Variants in CA14 observed in about 807,000 individuals in gnomAD.
The protein encoded by CA14 is carbonic anhydrase 14.
Under a neutral mutation model 48.8 loss-of-function variants are expected in CA14, and 44 were observed. The ratio of observed to expected loss-of-function variants is 0.90; its 90% CI spans 0.71 to 1.16. The LOEUF is 1.16. Ranked by LOEUF, CA14 falls within the 50% of genes most tolerant of loss-of-function variation. CA14 has a pLI of 0.00. For synonymous variants in CA14, 154 were observed against 155.0 expected (o/e 0.99, Z 0.05); for missense variants, 386 against 401.0 (o/e 0.96, Z 0.32).
rs880002225 is a variant in CA14 at position 150,263,029 on chromosome 1, C to T, written c.563-13C>T. 11 of 1,613,628 alleles carry T rather than the reference C, an allele frequency of 6.8e-6. No individual in the cohort carries two copies. The highest frequency in any genetic ancestry group is 9.3e-6 in the Non-Finnish European group (11 of 1,179,794). On this transcript the variant is annotated splice_polypyrimidine_tract_variant and intron_variant, in intron 6 of 10. Transcript: ENST00000369111. ...CACTGAAAGGAAGATGAGTCCCAGT[C>T]TGTTCTCCCCAGATCAGAAGACCTC... is the stretch of plus-strand genomic sequence containing the variant.
chr1:150,264,615 AAG>A lies in CA14; in HGVS notation c.973_974del (p.Ser325CysfsTer11). 6.2e-7 allele frequency: 1 copy of A among 1,612,322 alleles called. No homozygotes were observed. The highest frequency in any genetic ancestry group is 8.5e-7 in the Non-Finnish European group (1 of 1,178,542). On this transcript the variant is annotated frameshift_variant, in exon 11 of 11. Transcript: ENST00000369111. LOFTEE classifies it high-confidence loss of function. ...CAGGAAGAAGAGGCTGGAAAACCGA[AAG>A]AGTGTGGTCTTCACCTCAGCACAAG... ...KIRKKRLENR[K>X]SVVFTSAQAT...
chr1:150,260,835 C>A (rs1650969370), intron 2 of CA14: 1 of 146,002 alleles, frequency 6.8e-6, no homozygotes, highest in East Asian at 2.2e-4. Context: ...TCTGGGCTCA[C>A]TGCAAACTCC....
At chr1:150,262,429 C>A in intron 4 of CA14, 96 bp from the exon 5 acceptor site, 2 of 1,476,450 alleles carry the variant, frequency 1.4e-6, no homozygotes, top group Non-Finnish European at 1.9e-6. Context: ...AGACTTAGTG[C>A]CTGCCGGGGA....
chr1:150,264,912 G>A lies in CA14; in HGVS notation c.*253G>A. The A allele has an allele frequency of 3.0e-6, 1 of 332,700 alleles. No individual in the cohort carries two copies. The highest frequency in any genetic ancestry group is 5.5e-6 in the Non-Finnish European group (1 of 180,378). 20.6% of individuals were successfully genotyped at this position (332,700 alleles called of 1,614,324 possible). A position where few individuals can be genotyped will look rare whatever the true frequency, so the allele number is the denominator to read the frequency against. On this transcript the variant is annotated 3_prime_UTR_variant, in exon 11 of 11. Coordinates refer to ENST00000369111, the MANE Select transcript of CA14 (RefSeq NM_012113.3). The stretch of plus-strand genomic sequence containing the variant: ...GTTGTTAATGCAGAGAACAAACTCT[G>A]TTTAGTTGCAGGGGAAGTTTGGGAT...
At chr1:150,261,746 G>T in intron 3 of CA14, 108 bp downstream of exon 3, 2 of 983,718 alleles carry the variant, frequency 2.0e-6, no homozygotes, top group Non-Finnish European at 3.0e-6. Flanking sequence ...GCATGCGTAA[G>T]ATGTGCCGCC....
Position 150,258,027 on chromosome 1 carries a change from G to A in CA14, c.-102G>A, listed in dbSNP as rs587632806. 8.9e-6 allele frequency: 6 copies of A among 673,098 alleles called. No individual in the cohort carries two copies. Among genetic ancestry groups the A allele is most frequent in the Non-Finnish European group, 1.4e-5 (6 of 429,214 alleles). The allele number at this position is 673,098 out of a possible 1,614,324, so 41.7% of individuals were successfully genotyped here. ...ATACACTCACGCCAGGAGCTCGCTC[G>A]CTCTCTCTCTCTCTCTCTCACTCCT... On this transcript the variant is annotated 5_prime_UTR_variant, in exon 1 of 11. Transcript: ENST00000369111.
Position 150,263,659 on chromosome 1 carries a change from C to T in CA14, c.842C>T (p.Ala281Val). Reference sequence around the variant, plus strand: ...ACTGACCCATTTTCTTCTCTTACAGCAGGATCCTCGTATACCACAGGTAAG... The same window carrying T: ...ACTGACCCATTTTCTTCTCTTACAGTAGGATCCTCGTATACCACAGGTAAG... The part of the protein sequence containing the change: ...QRMVFASFIQ[A>V]GSSYTTGEML... Residue 281 changes from alanine to valine, a missense_variant and splice_region_variant, in exon 9 of 11, where the codon GCA becomes GTA. Transcript: ENST00000369111. 4 of 1,613,950 alleles carry T rather than the reference C, an allele frequency of 2.5e-6. No homozygotes were observed. The highest frequency in any genetic ancestry group is 3.4e-6 in the Non-Finnish European group (4 of 1,179,910).
chr1:150,263,513 G>T, intron 8 of CA14, 94 bp downstream of exon 8: 2 of 1,606,232 alleles, frequency 1.2e-6, no homozygotes, highest in Non-Finnish European at 1.7e-6. Flanking sequence ...AAAAGGGGAG[G>T]GGGTTTCTGG....
rs1553847113 is a variant in CA14, at chr1:150,258,172, CT to C, written c.45del (p.Ala16GlnfsTer40). The C allele has an allele frequency of 6.2e-7, 1 of 1,611,108 alleles. No homozygotes were observed. On this transcript the variant is annotated frameshift_variant, in exon 1 of 11. Transcript: ENST00000369111. LOFTEE classifies it high-confidence loss of function. ...CTGCTGGAGGTGATTTGGATCCTGG[CT>C]GCAGATGGGGGTAGGTACAACTAAA... ...ALLLEVIWILAADGGQHWTYE... is the reference protein window; with the variant it reads ...ALLLEVIWILXADGGQHWTYE...
At chr1:150,261,686 G>C (rs782517057) in intron 3 of CA14, 48 bp downstream of exon 3, 15 of 1,558,800 alleles carry the variant, frequency 9.6e-6, no homozygotes, top group Admixed American at 1.8e-5. Context: ...TCAGATCTTA[G>C]GAGTCAGATC....
At chr1:150,262,045 T>C (rs1651080568) in intron 3 of CA14, 113 bp from the exon 4 acceptor site, 3 of 1,226,688 alleles carry the variant, frequency 2.4e-6, no homozygotes, top group Admixed American at 1.8e-5. Flanking sequence ...AACTGGGTGC[T>C]ACTGGGGGAG....
At chr1:150,264,534 C>A in intron 10 of CA14, 59 bp from the exon 11 acceptor site, 1 of 963,082 alleles carries the variant, frequency 1.0e-6, no homozygotes, top group South Asian at 1.3e-5. Flanking sequence ...TCTCCTATTT[C>A]ACCTCTAATC....
In CA14 at chr1:150,263,200, G is replaced by A. The variant is rs1553848365; in HGVS notation, c.720+1G>A. On this transcript the variant is annotated splice_donor_variant, in intron 7 of 10. Coordinates refer to ENST00000369111, the MANE Select transcript of CA14 (RefSeq NM_012113.3). LOFTEE classifies it high-confidence loss of function. ...AAGGTCCCAGATTTCAATGGAACAG[G>A]TAAGTGGTGGAGAAACGAGGTGAGG... The A allele has an allele frequency of 6.2e-7, 1 of 1,614,136 alleles. No individual in the cohort carries two copies. The highest frequency in any genetic ancestry group is 8.5e-7 in the Non-Finnish European group (1 of 1,180,016).
chr1:150,258,050 C>A lies in CA14; in HGVS notation c.-79C>A, dbSNP rs1650691263. The stretch of plus-strand genomic sequence containing the variant: ...TCGCTCTCTCTCTCTCTCTCTCACT[C>A]CTCCCTCCCTCTCTCTCTGCCTGTC... On this transcript the variant is annotated 5_prime_UTR_variant, in exon 1 of 11. Transcript: ENST00000369111. The A allele has an allele frequency of 9.4e-7, 1 of 1,064,578 alleles. No homozygotes were observed. Among genetic ancestry groups the A allele is most frequent in the Non-Finnish European group, 1.4e-6 (1 of 727,718 alleles). The allele number at this position is 1,064,578 out of a possible 1,614,324, so 65.9% of individuals were successfully genotyped here. A position where few individuals can be genotyped will look rare whatever the true frequency, so the allele number is the denominator to read the frequency against.
Position 150,261,470 on chromosome 1 carries a change from C to G in CA14, c.88C>G (p.Gln30Glu), listed in dbSNP as rs782749968. ...QHWTYEGPHGQDHWPASYPEC... is the reference protein window; with the variant it reads ...QHWTYEGPHGEDHWPASYPEC... ...GTAACCCCCACCAGGCCCACATGGT[C>G]AGGACCATTGGCCAGCCTCTTACCC... is the stretch of plus-strand genomic sequence containing the variant. The change falls in exon 3 of 11, where the codon CAG becomes GAG. Residue 30 changes from glutamine to glutamate, a missense_variant. Physicochemically the swap from Gln to Glu is conservative, Grantham distance 29. Coordinates refer to ENST00000369111, the MANE Select transcript of CA14 (RefSeq NM_012113.3). 1 of 1,613,932 alleles carries G rather than the reference C, an allele frequency of 6.2e-7. No homozygotes were observed. The highest frequency in any genetic ancestry group is 2.2e-5 in the East Asian group (1 of 44,884).
intron 2 of CA14, 41 bp downstream of exon 2, chr1:150,260,212 G>A: frequency 6.2e-7 from 1 of 1,605,328 alleles, no homozygotes; most frequent in Non-Finnish European, 8.5e-7. Context: ...CTTTCACACT[G>A]GGACCTCCTC....
chr1:150,263,130 A>T lies in CA14; in HGVS notation c.651A>T (p.Thr217=), dbSNP rs1176034714. The T allele has an allele frequency of 6.2e-7, 1 of 1,613,932 alleles. No homozygotes were observed. The highest frequency in any genetic ancestry group is 8.5e-7 in the Non-Finnish European group (1 of 1,179,994). The part of the protein sequence containing the change: ...GQYFRYNGSL[T]TPPCYQSVLW... ...ACTTCCGCTACAATGGCTCGCTCAC[A>T]ACTCCCCCTTGCTACCAGAGTGTGC... Residue 217 remains threonine, a synonymous_variant, in exon 7 of 11, where the codon ACA becomes ACT. Transcript: ENST00000369111.
chr1:150,261,544 T>C lies in CA14; in HGVS notation c.162T>C (p.Ser54=). The change falls in exon 3 of 11, where the codon AGT becomes AGC. Residue 54 remains serine, a synonymous_variant. Coordinates refer to ENST00000369111, the MANE Select transcript of CA14 (RefSeq NM_012113.3). The part of the protein sequence containing the change: ...AQSPIDIQTD[S]VTFDPDLPAL... The stretch of plus-strand genomic sequence containing the variant: ...CGCCCATCGATATTCAGACAGACAG[T>C]GTGACATTTGACCCTGATTTGCCTG... 1 of 1,614,136 alleles carries C rather than the reference T, an allele frequency of 6.2e-7. No homozygotes were observed. The highest frequency in any genetic ancestry group is 8.5e-7 in the Non-Finnish European group (1 of 1,180,016).
rs74126632 is a variant in CA14, at chr1:150,262,483, G to A, written c.400-42G>A. 1,491 of 1,545,908 alleles carry A rather than the reference G, an allele frequency of 9.6e-4. 9 individuals carry two copies. The African/African-American group carries it at 0.018, about 19-fold the overall frequency. On this transcript the variant is annotated intron_variant, in intron 4 of 10. Transcript: ENST00000369111. ...AGCTAGGATCAAGGCCTTGAAGGGG[G>A]TGCAGACATTCCATGATTCAATTCC... is the stretch of plus-strand genomic sequence containing the variant.
Sources: gnomAD v4.1 joint callset for allele counts on GRCh38, gnomAD v4.1.1 for gene constraint, MANE v1.5 for transcripts, NCBI Gene and HGNC (gene_info 2026-07-23, HGNC 2026-07-21) for gene names.